The following QTMAN variants were observed in gnomAD, a reference collection of about 807,000 sequenced individuals.
The protein encoded by QTMAN is tRNA-queuosine alpha-mannosyltransferase.
chr2:144,307,020 G>C, the QTMAN span, among the ~76,000 whole-genome samples: 1 of 151,594 alleles, frequency 6.6e-6, no homozygotes, highest in Admixed American at 6.6e-5. Context: ...AATTAGCTGG[G>C]CGTGGTGGTG....
chr2:144,047,960 T>C, the QTMAN span, among the ~76,000 whole-genome samples: 1 of 152,254 alleles, frequency 6.6e-6, no homozygotes, highest in Non-Finnish European at 1.5e-5. Flanking sequence ...ATTTGATTAA[T>C]TGCTGGGAAG....
chr2:144,105,029 G>A, the QTMAN span, among the ~76,000 whole-genome samples: 4 of 152,316 alleles, frequency 2.6e-5, no homozygotes, highest in Non-Finnish European at 4.4e-5. Flanking sequence ...AACTCCAACC[G>A]ACCTGCAGCT....
the QTMAN span, among the ~76,000 whole-genome samples, chr2:144,107,445 T>C: frequency 6.6e-6 from 1 of 152,098 alleles, no homozygotes; most frequent in East Asian, 1.9e-4. Context: ...CCCACAGAAA[T>C]ACAAACTACC....
At chr2:144,066,030 G>A in the QTMAN span, among the ~76,000 whole-genome samples, 1 of 152,050 alleles carries the variant, frequency 6.6e-6, no homozygotes, top group African/African-American at 2.4e-5. Context: ...TAAGTTCTGG[G>A]AAGAGTATTG....
the QTMAN span, among the ~76,000 whole-genome samples, chr2:144,165,083 G>T: frequency 7.2e-4 from 110 of 152,014 alleles, 1 homozygote; most frequent in Non-Finnish European, 4.3e-4. Flanking sequence ...GCAAGTTAGG[G>T]AAGGCTGGCC....
chr2:144,148,102 G>T, the QTMAN span, among the ~76,000 whole-genome samples: 1 of 151,642 alleles, frequency 6.6e-6, no homozygotes, highest in African/African-American at 2.4e-5. Flanking sequence ...TTGAATATGG[G>T]CTAATTATAA....
At chr2:144,053,196 A>G in the QTMAN span, among the ~76,000 whole-genome samples, 1 of 152,268 alleles carries the variant, frequency 6.6e-6, no homozygotes, top group East Asian at 1.9e-4. Flanking sequence ...AGAACTACCC[A>G]TAGTACTATT....
chr2:144,267,177 G>A, the QTMAN span, among the ~76,000 whole-genome samples: 35 of 152,132 alleles, frequency 2.3e-4, no homozygotes, highest in African/African-American at 7.7e-4. Flanking sequence ...GAGAATCACC[G>A]GCAATACCCA....
chr2:144,249,438 A>G, the QTMAN span, among the ~76,000 whole-genome samples: 1 of 152,194 alleles, frequency 6.6e-6, no homozygotes, highest in Non-Finnish European at 1.5e-5. Context: ...GTTATGAAGT[A>G]AAGAGCTATT....
At chr2:144,181,730 G>A in the QTMAN span, among the ~76,000 whole-genome samples, 2 of 152,086 alleles carry the variant, frequency 1.3e-5, no homozygotes, top group African/African-American at 4.8e-5. Flanking sequence ...AGGATCAGTT[G>A]AGCCCGGGAG....
chr2:143,958,782 C>CT, the QTMAN span, among the ~76,000 whole-genome samples: 2,981 of 113,332 alleles, frequency 0.026, 89 homozygotes, highest in African/African-American at 0.075. Flanking sequence ...TTCTTTCTTT[C>CT]TTTTTTTTTT....
At chr2:144,282,620 A>G in the QTMAN span, among the ~76,000 whole-genome samples, 1 of 152,108 alleles carries the variant, frequency 6.6e-6, no homozygotes, top group Non-Finnish European at 1.5e-5. Flanking sequence ...AAACAGTTAA[A>G]AACTGAACTA....
chr2:144,319,819 T>C, the QTMAN span: 1 of 152,226 alleles, frequency 6.6e-6, no homozygotes, highest in Non-Finnish European at 1.5e-5. Flanking sequence ...TTGAACCTGC[T>C]GCAGATGTCA....
At chr2:144,326,203 C>T in the QTMAN span, among the ~76,000 whole-genome samples, 1 of 152,164 alleles carries the variant, frequency 6.6e-6, no homozygotes, top group African/African-American at 2.4e-5. Context: ...TACAAGGCAA[C>T]ATAGTGAAAA....
the QTMAN span, among the ~76,000 whole-genome samples, chr2:144,084,238 A>G: frequency 1.6e-3 from 247 of 152,352 alleles, 1 homozygote; most frequent in South Asian, 0.011. Flanking sequence ...TATATCCAGG[A>G]TATCATCCAG....
At chr2:144,170,851 A>T in the QTMAN span, among the ~76,000 whole-genome samples, 2 of 152,158 alleles carry the variant, frequency 1.3e-5, no homozygotes, top group Non-Finnish European at 2.9e-5. Flanking sequence ...ACTACTTGAT[A>T]TTCACATTGA....
At chr2:144,229,716 T>C in the QTMAN span, among the ~76,000 whole-genome samples, 1 of 152,288 alleles carries the variant, frequency 6.6e-6, no homozygotes, top group East Asian at 1.9e-4. Context: ...AAATAAGAAT[T>C]AGAAACCTTT....
At chr2:144,189,771 C>T in the QTMAN span, among the ~76,000 whole-genome samples, 1 of 152,074 alleles carries the variant, frequency 6.6e-6, no homozygotes, top group Non-Finnish European at 1.5e-5. Flanking sequence ...AGGCACTCGC[C>T]ACCAGGTCTG....
the QTMAN span, among the ~76,000 whole-genome samples, chr2:144,287,742 A>G: frequency 6.6e-5 from 10 of 152,260 alleles, no homozygotes; most frequent in Middle Eastern, 3.4e-3. Context: ...AAATTCCTAT[A>G]TTCTCCTTAA....
Sources: allele counts gnomAD v4.1 joint callset (sites outside exome capture counted in the v4.1 genomes callset), GRCh38; gene constraint gnomAD v4.1.1; transcripts MANE v1.5; gene names NCBI Gene and HGNC (gene_info 2026-07-23, HGNC 2026-07-21).